LRATD2: variants seen among roughly 807,000 people sequenced by gnomAD.
LRATD2 encodes protein LRATD2.
In LRATD2, 10 loss-of-function variants were observed where a neutral mutation model predicts 12.0. The observed-to-expected ratio is 0.83, with a 90% CI of 0.51 to 1.41. The LOEUF (loss-of-function observed/expected upper bound fraction) is 1.41, where lower values mean the gene tolerates loss of function less well. LRATD2 is among the 40% of genes most tolerant of loss of function. LRATD2 has a pLI of 0.00. For missense variants in LRATD2, 455 were observed against 446.1 expected (o/e 1.02, Z -0.18); for synonymous variants, 220 against 205.8 (o/e 1.07, Z -0.59).
Position 126,556,361 on chromosome 8 carries a change from AG to A in LRATD2, c.*95del. 3.6e-6 allele frequency: 5 copies of A among 1,374,534 alleles called. No homozygotes were observed. Among genetic ancestry groups the A allele is most frequent in the Non-Finnish European group, 4.8e-6 (5 of 1,034,472 alleles). The allele number at this position is 1,374,534 out of a possible 1,614,324, so 85.1% of individuals were successfully genotyped here. A position where few individuals can be genotyped will look rare whatever the true frequency, so the allele number is the denominator to read the frequency against. On this transcript the variant is annotated 3_prime_UTR_variant, in exon 2 of 2. Transcript: ENST00000304916. This position sits in a 1 kb window ranked among gnomAD's most constrained non-coding sequence, Gnocchi z 5.6. ...GGCCCAGGAATCCCAGATGGGGCCC[AG>A]ACAGTGGCAAAAGAGGGAGGAAGAG...
chr8:126,556,453 C>G lies in LRATD2; in HGVS notation c.*4G>C. On this transcript the variant is annotated 3_prime_UTR_variant, in exon 2 of 2. Transcript: ENST00000304916. The surrounding 1 kb of genome is among the most constrained non-coding windows in gnomAD (Gnocchi z 5.6). Reference sequence around the variant, plus strand: ...CCTTCGCAGCTCTGCGCTCAGCTCGCCCATCAGTGTGCCACTGCCTCTCCG... The same window carrying G: ...CCTTCGCAGCTCTGCGCTCAGCTCGGCCATCAGTGTGCCACTGCCTCTCCG... 6.4e-7 allele frequency: 1 copy of G among 1,560,696 alleles called. No individual in the cohort carries two copies. The highest frequency in any genetic ancestry group is 8.6e-7 in the Non-Finnish European group (1 of 1,158,982).
chr8:126,556,111 C>G lies in LRATD2; in HGVS notation c.*346G>C. 1 of 299,752 alleles carries G rather than the reference C, an allele frequency of 3.3e-6. No homozygotes were observed. Among genetic ancestry groups the G allele is most frequent in the South Asian group, 7.6e-5 (1 of 13,082 alleles). The allele number at this position is 299,752 out of a possible 1,614,324, so 18.6% of individuals were successfully genotyped here. A position where few individuals can be genotyped will look rare whatever the true frequency, so the allele number is the denominator to read the frequency against. ...CAGGAATGGGTACTCCGAACTTTCC[C>G]CCAACCCCACGTGCTTAAGAATGGC... On this transcript the variant is annotated 3_prime_UTR_variant, in exon 2 of 2. Transcript: ENST00000304916. The surrounding 1 kb of genome is among the most constrained non-coding windows in gnomAD (Gnocchi z 5.6).
Position 126,554,206 on chromosome 8 carries a change from C to T in LRATD2, c.*2251G>A, listed in dbSNP as rs1817337795. On this transcript the variant is annotated 3_prime_UTR_variant, in exon 2 of 2. Transcript: ENST00000304916. ...ATTTGTGGTAGAGACAGGGTTTCGC[C>T]ATGTTGGCCAGGCTGGTCTCGAACT... The T allele has an allele frequency of 1.3e-5, 2 of 152,388 alleles. No homozygotes were observed. The highest frequency in any genetic ancestry group is 2.9e-5 in the Non-Finnish European group (2 of 68,066). 9.4% of individuals were successfully genotyped at this position (152,388 alleles called of 1,614,324 possible).
chr8:126,554,639 A>C lies in LRATD2; in HGVS notation c.*1818T>G, dbSNP rs2130477421. The stretch of plus-strand genomic sequence containing the variant: ...AGGTGCTACAAAGGTCCAAGCTTTT[A>C]AAGACTATGGCCTCAACGTCCATGT... On this transcript the variant is annotated 3_prime_UTR_variant, in exon 2 of 2. Transcript: ENST00000304916. The C allele has an allele frequency of 6.6e-6, 1 of 152,366 alleles. No homozygotes were observed. The highest frequency in any genetic ancestry group is 2.1e-4 in the South Asian group (1 of 4,830). 9.4% of individuals were successfully genotyped at this position (152,366 alleles called of 1,614,324 possible). A position where few individuals can be genotyped will look rare whatever the true frequency, so the allele number is the denominator to read the frequency against.
rs554077956 is a variant in LRATD2 at position 126,556,278 on chromosome 8, C to T, written c.*179G>A. ...AGTGTTTCCTACCTGCTCCCTCTGT[C>T]CCCTTCCTCCTCCCCCGTCCACAGC... On this transcript the variant is annotated 3_prime_UTR_variant, in exon 2 of 2. Transcript: ENST00000304916. The surrounding 1 kb of genome is among the most constrained non-coding windows in gnomAD (Gnocchi z 5.6). 4.6e-5 allele frequency: 32 copies of T among 700,632 alleles called. No homozygotes were observed. In the South Asian group the frequency reaches 6.9e-4, roughly 15 times the overall value. The allele number at this position is 700,632 out of a possible 1,614,324, so 43.4% of individuals were successfully genotyped here. A position where few individuals can be genotyped will look rare whatever the true frequency, so the allele number is the denominator to read the frequency against.
rs1817330094 is a variant in LRATD2 at position 126,553,850 on chromosome 8, G to A, written c.*2607C>T. ...CCTGTTATTGAAAACCTCTTCTCTA[G>A]AAGAGAGAGTCACTGCTCTCTCTTA... On this transcript the variant is annotated 3_prime_UTR_variant, in exon 2 of 2. Coordinates refer to ENST00000304916, the MANE Select transcript of LRATD2 (RefSeq NM_174911.5). 6.6e-6 allele frequency: 1 copy of A among 152,182 alleles called. No homozygotes were observed. The highest frequency in any genetic ancestry group is 1.5e-5 in the Non-Finnish European group (1 of 68,048). 9.4% of individuals were successfully genotyped at this position (152,182 alleles called of 1,614,324 possible).
Position 126,556,521 on chromosome 8 carries a change from G to T in LRATD2, c.869C>A (p.Pro290Gln). The T allele has an allele frequency of 1.9e-6, 3 of 1,596,922 alleles. No individual in the cohort carries two copies. The highest frequency in any genetic ancestry group is 2.6e-6 in the Non-Finnish European group (3 of 1,173,210). Residue 290 changes from proline (P) to glutamine (Q), a missense_variant, in exon 2 of 2, where the codon CCG becomes CAG. Physicochemically the swap from Pro to Gln is moderately conservative, Grantham distance 76. Transcript: ENST00000304916. The surrounding 1 kb of genome is among the most constrained non-coding windows in gnomAD (Gnocchi z 5.6). ...EGDSNVARTT[P>Q]PPGRPPAPSS... is the part of the protein sequence containing the mutation. ...GGGCGCAGGGGGGCGCCCGGGAGGC[G>T]GCGTAGTCCGCGCCACGTTGCTGTC...
chr8:126,556,861 T>A lies in LRATD2; in HGVS notation c.529A>T (p.Ser177Cys), dbSNP rs147312722. The A allele has an allele frequency of 1.5e-5, 24 of 1,606,214 alleles. No homozygotes were observed. In the African/African-American group the frequency reaches 3.2e-4, roughly 21 times the overall value. Residue 177 changes from serine (S) to cysteine (C), a missense_variant, in exon 2 of 2, where the codon AGC becomes TGC. Ser to Cys is a moderately radical substitution (Grantham distance 112). Coordinates refer to ENST00000304916, the MANE Select transcript of LRATD2 (RefSeq NM_174911.5). This position sits in a 1 kb window ranked among gnomAD's most constrained non-coding sequence, Gnocchi z 5.6. ...GCGTTGCGCACCACGGCGCTGGAGCTTAGCGGCTTGTAGCGGTACAGATCG... is the reference window on the plus strand; with the variant it reads ...GCGTTGCGCACCACGGCGCTGGAGCATAGCGGCTTGTAGCGGTACAGATCG... ...VNDLYRYKPL[S>C]SSAVVRNALA...
Position 126,557,469 on chromosome 8 carries a change from A to AGT in LRATD2, c.-81_-80insAC. 6.8e-7 allele frequency: 1 copy of AGT among 1,476,530 alleles called. No individual in the cohort carries two copies. 91.5% of individuals were successfully genotyped at this position (1,476,530 alleles called of 1,614,324 possible). A position where few individuals can be genotyped will look rare whatever the true frequency, so the allele number is the denominator to read the frequency against. On this transcript the variant is annotated 5_prime_UTR_variant, in exon 2 of 2. Transcript: ENST00000304916. This position sits in a 1 kb window ranked among gnomAD's most constrained non-coding sequence, Gnocchi z 5.3. The stretch of plus-strand genomic sequence containing the variant: ...CAGGGTCATTTGCACAGGTCCCCGG[A>AGT]CAGGGGCTGAGGCTACCTGTTGGGA...
At position 126,555,809 on chromosome 8, in the gene LRATD2, C is replaced by A. The variant is rs1425124002; in HGVS notation, c.*648G>T. 1 of 152,650 alleles carries A rather than the reference C, an allele frequency of 6.6e-6. No individual in the cohort carries two copies. Among genetic ancestry groups the A allele is most frequent in the African/African-American group, 2.4e-5 (1 of 41,438 alleles). The allele number at this position is 152,650 out of a possible 1,614,324, so 9.5% of individuals were successfully genotyped here. A position where few individuals can be genotyped will look rare whatever the true frequency, so the allele number is the denominator to read the frequency against. On this transcript the variant is annotated 3_prime_UTR_variant, in exon 2 of 2. Transcript: ENST00000304916. Reference sequence around the variant, plus strand: ...TTGTGGAGGAGGGAGGTAGCAAAGTCTTTGTTTGTAGCCCGAGTTTGCTTA... The same window carrying A: ...TTGTGGAGGAGGGAGGTAGCAAAGTATTTGTTTGTAGCCCGAGTTTGCTTA...
In LRATD2 at chr8:126,556,424, T is replaced by C. The variant is rs1817392942; in HGVS notation, c.*33A>G. The C allele has an allele frequency of 6.6e-7, 1 of 1,518,896 alleles. No homozygotes were observed. The highest frequency in any genetic ancestry group is 8.8e-7 in the Non-Finnish European group (1 of 1,138,412). The allele number at this position is 1,518,896 out of a possible 1,614,324, so 94.1% of individuals were successfully genotyped here. ...GAGCAGCGGCTGCTACTGCAAACAG[T>C]TCCCCTTCGCAGCTCTGCGCTCAGC... is the stretch of plus-strand genomic sequence containing the variant. On this transcript the variant is annotated 3_prime_UTR_variant, in exon 2 of 2. Transcript: ENST00000304916. This position sits in a 1 kb window ranked among gnomAD's most constrained non-coding sequence, Gnocchi z 5.6.
chr8:126,558,346 C>T lies in LRATD2; in HGVS notation c.-409G>A, dbSNP rs1817479099. Reference sequence around the variant, plus strand: ...GGCGCGAGGAGGAGAGGACGGCAGCCTCGCAGCCTGGCGGCAACAGCTCCC... The same window carrying T: ...GGCGCGAGGAGGAGAGGACGGCAGCTTCGCAGCCTGGCGGCAACAGCTCCC... On this transcript the variant is annotated 5_prime_UTR_variant, in exon 1 of 2. Coordinates refer to ENST00000304916, the MANE Select transcript of LRATD2 (RefSeq NM_174911.5). The T allele has an allele frequency of 6.6e-6, 1 of 152,284 alleles. No individual in the cohort carries two copies. Among genetic ancestry groups the T allele is most frequent in the African/African-American group, 2.4e-5 (1 of 41,468 alleles). The allele number at this position is 152,284 out of a possible 1,614,324, so 9.4% of individuals were successfully genotyped here.
rs764709675 is a variant in LRATD2, at chr8:126,556,988, G to A, written c.402C>T (p.Ala134=). Residue 134 remains alanine, a synonymous_variant, in exon 2 of 2, where the codon GCC becomes GCT. Transcript: ENST00000304916. This position sits in a 1 kb window ranked among gnomAD's most constrained non-coding sequence, Gnocchi z 5.6. Reference sequence around the variant, plus strand: ...CCACCTGGAAGTTACCCACATATACGGCCCAGTGCGGGTACTGAGCCTGCG... The same window carrying A: ...CCACCTGGAAGTTACCCACATATACAGCCCAGTGCGGGTACTGAGCCTGCG... ...FVSQAQYPHW[A]VYVGNFQVVH... 4 of 1,608,004 alleles carry A rather than the reference G, an allele frequency of 2.5e-6. No homozygotes were observed. The highest frequency in any genetic ancestry group is 2.7e-5 in the African/African-American group (2 of 74,926).
At position 126,556,142 on chromosome 8, in the gene LRATD2, A is replaced by G; in HGVS notation, c.*315T>C. The G allele has an allele frequency of 5.2e-6, 2 of 386,952 alleles. No individual in the cohort carries two copies. The highest frequency in any genetic ancestry group is 4.6e-6 in the Non-Finnish European group (1 of 217,204). The allele number at this position is 386,952 out of a possible 1,614,324, so 24.0% of individuals were successfully genotyped here. A position where few individuals can be genotyped will look rare whatever the true frequency, so the allele number is the denominator to read the frequency against. On this transcript the variant is annotated 3_prime_UTR_variant, in exon 2 of 2. Coordinates refer to ENST00000304916, the MANE Select transcript of LRATD2 (RefSeq NM_174911.5). This position sits in a 1 kb window ranked among gnomAD's most constrained non-coding sequence, Gnocchi z 5.6. ...CCCACGTGCTTAAGAATGGCCGATT[A>G]TAAACCCAGATCTACCAAGGTTTAA...
In LRATD2 at chr8:126,556,150, A is replaced by C; in HGVS notation, c.*307T>G. On this transcript the variant is annotated 3_prime_UTR_variant, in exon 2 of 2. Coordinates refer to ENST00000304916, the MANE Select transcript of LRATD2 (RefSeq NM_174911.5). This position sits in a 1 kb window ranked among gnomAD's most constrained non-coding sequence, Gnocchi z 5.6. ...CTTAAGAATGGCCGATTATAAACCC[A>C]GATCTACCAAGGTTTAAGTGCCAGG... The C allele has an allele frequency of 2.5e-6, 1 of 406,968 alleles. No individual in the cohort carries two copies. The highest frequency in any genetic ancestry group is 4.4e-6 in the Non-Finnish European group (1 of 229,768). The allele number at this position is 406,968 out of a possible 1,614,324, so 25.2% of individuals were successfully genotyped here. A position where few individuals can be genotyped will look rare whatever the true frequency, so the allele number is the denominator to read the frequency against.
In LRATD2 at chr8:126,557,069, G is replaced by A. The variant is rs781137628; in HGVS notation, c.321C>T (p.Tyr107=). ...ACTTGTTGAGCAGGTTCTCGGGCGTGTAGGTACTCAGCGCCGCCGAGCCCG... is the reference window on the plus strand; with the variant it reads ...ACTTGTTGAGCAGGTTCTCGGGCGTATAGGTACTCAGCGCCGCCGAGCCCG... ...FAPGSAALST[Y]TPENLLNKCK... Residue 107 remains tyrosine, a synonymous_variant, in exon 2 of 2, where the codon TAC becomes TAT. Coordinates refer to ENST00000304916, the MANE Select transcript of LRATD2 (RefSeq NM_174911.5). The surrounding 1 kb of genome is among the most constrained non-coding windows in gnomAD (Gnocchi z 5.3). 2 of 1,609,522 alleles carry A rather than the reference G, an allele frequency of 1.2e-6. No homozygotes were observed. Among genetic ancestry groups the A allele is most frequent in the South Asian group, 2.2e-5 (2 of 91,088 alleles).
At position 126,557,709 on chromosome 8, in the gene LRATD2, A is replaced by G; in HGVS notation, c.-96-224T>C. 1 of 366,974 alleles carries G rather than the reference A, an allele frequency of 2.7e-6. No individual in the cohort carries two copies. The highest frequency in any genetic ancestry group is 2.2e-5 in the African/African-American group (1 of 46,386). The allele number at this position is 366,974 out of a possible 1,614,324, so 22.7% of individuals were successfully genotyped here. A position where few individuals can be genotyped will look rare whatever the true frequency, so the allele number is the denominator to read the frequency against. ...CCAGCCCTTCGCCTGGCCCTGGCAA[A>G]AGCCCATTGCATCAGCAGCTTCTAC... On this transcript the variant is annotated intron_variant, in intron 1 of 1. Transcript: ENST00000304916. The surrounding 1 kb of genome is among the most constrained non-coding windows in gnomAD (Gnocchi z 5.3).
At position 126,557,179 on chromosome 8, in the gene LRATD2, G is replaced by T. The variant is rs74942061; in HGVS notation, c.211C>A (p.Pro71Thr). ...DGGDGPPPPQ[P>T]QPYDPRLHEV... ...TGCAGCCGCGGATCGTAGGGCTGCGGCTGGGGCGGCGGCGGCCCGTCCCCA... is the reference window on the plus strand; with the variant it reads ...TGCAGCCGCGGATCGTAGGGCTGCGTCTGGGGCGGCGGCGGCCCGTCCCCA... The change falls in exon 2 of 2, where the codon CCG becomes ACG. Residue 71 changes from proline to threonine, a missense_variant. By Grantham distance (38) the Pro-to-Thr change is conservative (BLOSUM62 -1). Transcript: ENST00000304916. The surrounding 1 kb of genome is among the most constrained non-coding windows in gnomAD (Gnocchi z 5.3). 6.5e-4 allele frequency: 1,045 copies of T among 1,607,428 alleles called. 5 individuals are homozygous for T. In the African/African-American group the frequency reaches 0.012, roughly 18 times the overall value.
rs1223129767 is a variant in LRATD2 at position 126,557,971 on chromosome 8, T to G, written c.-97+63A>C. On this transcript the variant is annotated intron_variant, in intron 1 of 1. Transcript: ENST00000304916. The surrounding 1 kb of genome is among the most constrained non-coding windows in gnomAD (Gnocchi z 5.3). The stretch of plus-strand genomic sequence containing the variant: ...CTGGCTCACCTGCAGCGCTACCTCC[T>G]CCCGGCTCGCCCGCCCTTCCCCCGC... The G allele has an allele frequency of 6.6e-6, 1 of 152,596 alleles. No homozygotes were observed. Among genetic ancestry groups the G allele is most frequent in the Non-Finnish European group, 1.5e-5 (1 of 68,454 alleles). The allele number at this position is 152,596 out of a possible 1,614,324, so 9.5% of individuals were successfully genotyped here. A position where few individuals can be genotyped will look rare whatever the true frequency, so the allele number is the denominator to read the frequency against.
Sources: allele counts gnomAD v4.1 joint callset, GRCh38; gene constraint gnomAD v4.1.1; non-coding constraint Gnocchi (gnomAD v3.1); transcripts MANE v1.5; gene names NCBI Gene and HGNC (gene_info 2026-07-23, HGNC 2026-07-21).